SLC39A11: variants seen among roughly 807,000 people sequenced by gnomAD.
SLC39A11 encodes solute carrier family 39 member 11, also known as zinc transporter ZIP11.
Under a neutral mutation model 36.1 loss-of-function variants are expected in SLC39A11, and 33 were observed. The ratio of observed to expected loss-of-function variants is 0.91; its 90% CI spans 0.69 to 1.22. SLC39A11 has a LOEUF of 1.22. SLC39A11 is among the 50% of genes most tolerant of loss of function. The pLI is 0.00. For missense variants in SLC39A11, 432 were observed against 430.3 expected, an observed-to-expected ratio of 1.00 and a Z score of -0.03; for synonymous variants, 166 against 170.3, an observed-to-expected ratio of 0.97 and a Z score of 0.20.
At chr17:72,658,099 A>G (rs746554537) in intron 7 of SLC39A11, among the ~76,000 whole-genome samples, 1 of 152,192 alleles carries the variant, frequency 6.6e-6, no homozygotes, top group Non-Finnish European at 1.5e-5. Flanking sequence ...CTGCTTAGGA[A>G]ACCCCCAGAG....
In SLC39A11 at chr17:72,869,716, C is replaced by T. The variant is rs186241848; in HGVS notation, c.431-19912G>A. On this transcript the variant is annotated intron_variant, in intron 5 of 9. Coordinates refer to ENST00000255559, the MANE Select transcript of SLC39A11 (RefSeq NM_139177.4). ...TTTTTAAAAATTGATTTTCATAATA[C>T]AAAAAGCACATAGAGAAAAGAAACT... Among the ~76,000 whole-genome samples the T allele has an allele frequency of 9.2e-5, 14 of 151,954 alleles. No individual in the cohort carries two copies. In the East Asian group the frequency reaches 2.5e-3, roughly 27 times the overall value.
chr17:72,695,043 G>T (rs2072224897), intron 7 of SLC39A11, among the ~76,000 whole-genome samples: 1 of 152,178 alleles, frequency 6.6e-6, no homozygotes, highest in Non-Finnish European at 1.5e-5. Context: ...CTTTCTTTCT[G>T]CTGGTATGCA....
rs906440345 is a variant in SLC39A11, at chr17:72,753,901, A to C, written c.602-17182T>G. Among the ~76,000 whole-genome samples the C allele has an allele frequency of 1.1e-4, 16 of 149,668 alleles. No homozygotes were observed. In the East Asian group the frequency reaches 1.9e-3, roughly 18 times the overall value. On this transcript the variant is annotated intron_variant, in intron 6 of 9. Transcript: ENST00000255559. ...AAAAGTCATTATACAAAAAAAAAAA[A>C]AAAAAAAAAAACCTGCACACACGTT...
intron 6 of SLC39A11, among the ~76,000 whole-genome samples, chr17:72,844,029 C>CA (rs200582389): frequency 0.035 from 5,155 of 148,604 alleles, 222 homozygotes; most frequent in African/African-American, 0.11. Flanking sequence ...CAAAAAACTT[C>CA]AAAAAAAAAA....
intron 6 of SLC39A11, among the ~76,000 whole-genome samples, chr17:72,752,842 GT>G (rs1228053911): frequency 1.3e-5 from 2 of 152,032 alleles, no homozygotes; most frequent in East Asian, 3.9e-4. Flanking sequence ...TGTTTCTGGA[GT>G]TTTTGTTGGT....
At chr17:73,030,095 G>A (rs917521610) in intron 4 of SLC39A11, among the ~76,000 whole-genome samples, 3 of 152,170 alleles carry the variant, frequency 2.0e-5, no homozygotes, top group East Asian at 1.9e-4. Flanking sequence ...CCTCACATGC[G>A]CAGCTCGCAG....
chr17:72,700,831 C>A (rs1189340182), intron 7 of SLC39A11, among the ~76,000 whole-genome samples: 3 of 152,204 alleles, frequency 2.0e-5, no homozygotes, highest in African/African-American at 4.8e-5. Context: ...CCTTATAAAA[C>A]CATCAGATCT....
intron 4 of SLC39A11, among the ~76,000 whole-genome samples, chr17:73,031,002 G>A (rs915830092): frequency 1.3e-5 from 2 of 152,120 alleles, no homozygotes; most frequent in Non-Finnish European, 2.9e-5. Context: ...AAATTTTACT[G>A]TACAGTCCTT....
chr17:72,743,847 C>A (rs1410482572), intron 6 of SLC39A11, among the ~76,000 whole-genome samples: 1 of 152,256 alleles, frequency 6.6e-6, no homozygotes, highest in Non-Finnish European at 1.5e-5. Flanking sequence ...CTGTGAATAA[C>A]TTCTTGCCCC....
rs75975881 is a variant in SLC39A11, at chr17:72,735,717, G to T, written c.671+933C>A. ...TCCCCTGAAGCCACTTGAGTTTGCT[G>T]CCCTCAGATAGAAGGCTCCATCCTG... On this transcript the variant is annotated intron_variant, in intron 7 of 9. Transcript: ENST00000255559. Among the ~76,000 whole-genome samples the T allele has an allele frequency of 7.0e-3, 1,061 of 152,272 alleles. 12 individuals are homozygous for T. Among genetic ancestry groups the T allele is most frequent in the African/African-American group, 0.024 (996 of 41,538 alleles).
chr17:73,090,563 C>A (rs2060891414), intron 1 of SLC39A11, among the ~76,000 whole-genome samples: 1 of 152,220 alleles, frequency 6.6e-6, no homozygotes, highest in Non-Finnish European at 1.5e-5. Context: ...ACAGCATTTA[C>A]AAAGAACAGC....
intron 6 of SLC39A11, among the ~76,000 whole-genome samples, chr17:72,741,624 G>A (rs1046368028): frequency 6.6e-6 from 1 of 152,122 alleles, no homozygotes; most frequent in African/African-American, 2.4e-5. Flanking sequence ...TTGGAGCCTA[G>A]AGGCCTAATG....
Position 73,088,759 on chromosome 17 carries a change from G to A in SLC39A11, c.6C>T (p.Leu2=), listed in dbSNP as rs148439735. 8,074 of 1,601,630 alleles carry A rather than the reference G, an allele frequency of 5.0e-3. 37 individuals carry two copies. The highest frequency in any genetic ancestry group is 6.4e-3 in the Non-Finnish European group (7,518 of 1,174,102). ...CCTGGAACACAGAGCTGTGGCCTTG[G>A]AGCATGCTGGATACAGCTGTGCAAG... M[L]QGHSSVFQAL... Residue 2 remains leucine (L), a synonymous_variant, in exon 2 of 10, where the codon CTC becomes CTT. Transcript: ENST00000255559.
intron 4 of SLC39A11, among the ~76,000 whole-genome samples, chr17:72,955,668 C>T (rs1318646729): frequency 6.6e-6 from 1 of 151,920 alleles, no homozygotes; most frequent in Non-Finnish European, 1.5e-5. Context: ...AGCTGTGTCT[C>T]GCGGCCCTAC....
intron 4 of SLC39A11, among the ~76,000 whole-genome samples, chr17:72,989,411 A>T (rs2089003990): frequency 6.6e-6 from 1 of 152,246 alleles, no homozygotes; most frequent in South Asian, 2.1e-4. Context: ...AGCTACTATC[A>T]TCCCTTATAA....
chr17:72,721,352 C>T (rs1163503834), intron 7 of SLC39A11, among the ~76,000 whole-genome samples: 2 of 152,168 alleles, frequency 1.3e-5, no homozygotes, highest in African/African-American at 4.8e-5. Context: ...CCACCTCACC[C>T]TCCCAAAGTG....
At chr17:72,725,388 G>A (rs1567989077) in intron 7 of SLC39A11, 2 of 152,110 alleles carry the variant, frequency 1.3e-5, no homozygotes, top group Non-Finnish European at 1.5e-5. Context: ...AGACAATAAC[G>A]AGCTTTATAA....
At chr17:72,822,033 G>A (rs2077803523) in intron 6 of SLC39A11, 1 of 151,350 alleles carries the variant, frequency 6.6e-6, no homozygotes, top group African/African-American at 2.4e-5. Flanking sequence ...CTGGAGACAG[G>A]AAGAGAATGG....
intron 4 of SLC39A11, among the ~76,000 whole-genome samples, chr17:73,004,232 A>G (rs55893840): frequency 0.18 from 15,765 of 87,374 alleles, 1,914 homozygotes; most frequent in Middle Eastern, 0.21. Context: ...AGAAAGAAAG[A>G]AAAGAAAGAA....
Sources: gnomAD v4.1 joint callset for allele counts (sites outside exome capture counted in the v4.1 genomes callset) on GRCh38, gnomAD v4.1.1 for gene constraint, MANE v1.5 for transcripts, NCBI Gene and HGNC (gene_info 2026-07-23, HGNC 2026-07-21) for gene names.